Variants in LONP2 observed in about 807,000 individuals in gnomAD.
LONP2 encodes lon peptidase 2, peroxisomal.
Under a neutral mutation model 85.6 loss-of-function variants are expected in LONP2, and 60 were observed. The observed-to-expected ratio is 0.70, with a 90% CI of 0.57 to 0.87. The LOEUF is 0.87. Ranked by LOEUF, LONP2 falls within the 40% of genes least tolerant of loss-of-function variation. LONP2 has a pLI of 0.00. For missense variants in LONP2, 860 were observed against 1,063.5 expected (o/e 0.81, Z 2.66); for synonymous variants, 395 against 389.7 (o/e 1.01, Z -0.16).
At position 48,288,398 on chromosome 16, in the gene LONP2, C is replaced by T. The variant is rs533245696; in HGVS notation, c.1384-7617C>T. On this transcript the variant is annotated intron_variant, in intron 8 of 14. Coordinates refer to ENST00000285737, the MANE Select transcript of LONP2 (RefSeq NM_031490.5). ...TCGAACTCCTGACCTCGTGATCCAT[C>T]CGCCTCGGCCTCCCAAAGTGCTGGT... 2.0e-5 allele frequency among the ~76,000 whole-genome samples: 3 copies of T among 152,244 alleles called. No individual in the cohort carries two copies. In the East Asian group the frequency reaches 5.8e-4, roughly 29 times the overall value.
At chr16:48,331,058 A>G (rs1332510600) in intron 11 of LONP2, among the ~76,000 whole-genome samples, 1 of 152,218 alleles carries the variant, frequency 6.6e-6, no homozygotes, top group Non-Finnish European at 1.5e-5. Context: ...ATTAGATCTC[A>G]GAAAAGCTTG....
At chr16:48,244,738 G>A in intron 1 of LONP2, 117 bp downstream of exon 1, 1 of 658,094 alleles carries the variant, frequency 1.5e-6, no homozygotes, top group Non-Finnish European at 2.3e-6. Flanking sequence ...TTCGCGGCTC[G>A]GTTCCGCCTC....
rs1971209525 is a variant in LONP2, at chr16:48,244,363, AG to A, written c.-25del. 6.7e-7 allele frequency: 1 copy of A among 1,492,372 alleles called. No homozygotes were observed. The allele number at this position is 1,492,372 out of a possible 1,614,324, so 92.4% of individuals were successfully genotyped here. The stretch of plus-strand genomic sequence containing the variant: ...AGCTGTCTGTCTGGCTCTTTTTGAC[AG>A]CCCCCAGTGCGAAAGGCTGCCAGCA... On this transcript the variant is annotated 5_prime_UTR_variant, in exon 1 of 15. Coordinates refer to ENST00000285737, the MANE Select transcript of LONP2 (RefSeq NM_031490.5).
chr16:48,335,927 T>TGA (rs1271508088), intron 12 of LONP2, among the ~76,000 whole-genome samples: 1 of 152,228 alleles, frequency 6.6e-6, no homozygotes, highest in Non-Finnish European at 1.5e-5. Context: ...TGAAAGAACT[T>TGA]GAGCAAAACA....
intron 12 of LONP2, chr16:48,343,835 GATTT>G (rs1191015783): frequency 2.0e-5 from 3 of 152,152 alleles, no homozygotes; most frequent in Admixed American, 6.5e-5. Context: ...CATGGAACAA[GATTT>G]ATTAGACACA....
At chr16:48,314,849 G>A (rs1044289195) in intron 11 of LONP2, among the ~76,000 whole-genome samples, 2 of 152,096 alleles carry the variant, frequency 1.3e-5, no homozygotes, top group Admixed American at 6.5e-5. Context: ...TTGGCCTCCT[G>A]TTCAACAAAC....
At position 48,354,640 on chromosome 16, in the gene LONP2, A is replaced by AT. The variant is rs1960270019; in HGVS notation, c.*2839dup. ...CTGAATTTCCCTTCATATGAGTGGG[A>AT]TCAAACAAGAGTTGTCCTTTTGTGT... On this transcript the variant is annotated 3_prime_UTR_variant, in exon 15 of 15. Coordinates refer to ENST00000285737, the MANE Select transcript of LONP2 (RefSeq NM_031490.5). 6.6e-6 allele frequency: 1 copy of AT among 152,256 alleles called. No homozygotes were observed. Among genetic ancestry groups the AT allele is most frequent in the African/African-American group, 2.4e-5 (1 of 41,446 alleles). 9.4% of individuals were successfully genotyped at this position (152,256 alleles called of 1,614,324 possible). A position where few individuals can be genotyped will look rare whatever the true frequency, so the allele number is the denominator to read the frequency against.
At chr16:48,249,854 A>G (rs1971585450) in intron 1 of LONP2, among the ~76,000 whole-genome samples, 1 of 152,154 alleles carries the variant, frequency 6.6e-6, no homozygotes, top group Non-Finnish European at 1.5e-5. Context: ...TTCAGTTTGG[A>G]ACATCTTCCT....
Position 48,262,303 on chromosome 16 carries a change from T to C in LONP2, c.888-475T>C, listed in dbSNP as rs141860247. On this transcript the variant is annotated intron_variant, in intron 5 of 14. Transcript: ENST00000285737. ...AAAAAAAAATGTATTGTATTATGCATAGTTAGGCACTTACATCTTATTGTG... is the reference window on the plus strand; with the variant it reads ...AAAAAAAAATGTATTGTATTATGCACAGTTAGGCACTTACATCTTATTGTG... Among the ~76,000 whole-genome samples, 437 of 152,322 alleles carry C rather than the reference T, an allele frequency of 2.9e-3. 3 individuals are homozygous for C. Among genetic ancestry groups the C allele is most frequent in the African/African-American group, 9.8e-3 (408 of 41,580 alleles).
intron 12 of LONP2, among the ~76,000 whole-genome samples, chr16:48,340,481 A>G (rs1294296404): frequency 6.6e-6 from 1 of 152,204 alleles, no homozygotes; most frequent in Admixed American, 6.5e-5. Context: ...ACCACTTACT[A>G]TTTTTTTACT....
At chr16:48,351,476 G>GT (rs1960144375) in intron 14 of LONP2, 105 bp from the exon 15 acceptor site, 1 of 843,318 alleles carries the variant, frequency 1.2e-6, no homozygotes. Flanking sequence ...TGATTTGGAT[G>GT]TTTTAAAATA....
At chr16:48,360,757 A>G (rs1960551571), downstream of LONP2, 1 of 152,624 alleles carries the variant, frequency 6.6e-6, no homozygotes, top group South Asian at 2.1e-4. Flanking sequence ...ATTTATAAAA[A>G]TCAATTTATT....
At chr16:48,358,104 G>A (rs1441472533), downstream of LONP2, among the ~76,000 whole-genome samples, 1 of 152,128 alleles carries the variant, frequency 6.6e-6, no homozygotes, top group African/African-American at 2.4e-5. Context: ...CAAGAAATAT[G>A]GCTATAGATC....
intron 12 of LONP2, 112 bp downstream of exon 12, chr16:48,334,470 C>G: frequency 7.7e-7 from 1 of 1,293,810 alleles, no homozygotes; most frequent in East Asian, 2.3e-5. Flanking sequence ...AAGGAATAGC[C>G]TTATTCGACC....
chr16:48,354,194 C>T lies in LONP2; in HGVS notation c.*2392C>T, dbSNP rs187430341. The T allele has an allele frequency of 0.032, 3,673 of 113,136 alleles. 87 individuals are homozygous for T. The highest frequency in any genetic ancestry group is 0.052 in the Non-Finnish European group (2,936 of 56,160). The allele number at this position is 113,136 out of a possible 1,614,324, so 7.0% of individuals were successfully genotyped here. ...TGGATCTAAGCATGTCCACTCTACA[C>T]GCTTTTTTTTTTTTTTTTTTTTTTT... On this transcript the variant is annotated 3_prime_UTR_variant, in exon 15 of 15. Transcript: ENST00000285737.
chr16:48,323,324 G>A (rs975562135), intron 11 of LONP2, among the ~76,000 whole-genome samples: 3 of 152,098 alleles, frequency 2.0e-5, no homozygotes, highest in Non-Finnish European at 4.4e-5. Flanking sequence ...ATACCCTTTT[G>A]TTTGTTTGTT....
In LONP2 at chr16:48,252,349, A is replaced by G. The variant is rs1380259839; in HGVS notation, c.452A>G (p.Tyr151Cys). The change falls in exon 2 of 15, where the codon TAC becomes TGC. Residue 151 changes from tyrosine to cysteine, a missense_variant. By Grantham distance (194) the Tyr-to-Cys change is radical. Around this residue, in one of 3 missense-constraint regions of LONP2, gnomAD observed 743 missense variants for 917.3 expected, o/e 0.81. Coordinates refer to ENST00000285737, the MANE Select transcript of LONP2 (RefSeq NM_031490.5). Reference protein sequence around the residue: ...EELGELSEQFYKYAVQLVEML... With the variant: ...EELGELSEQFCKYAVQLVEML... ...CTAGGAGAACTATCAGAGCAGTTTT[A>G]CAAATATGCAGTACAAGTAAGTTGC... The G allele has an allele frequency of 6.2e-7, 1 of 1,603,802 alleles. No homozygotes were observed. Among genetic ancestry groups the G allele is most frequent in the South Asian group, 1.1e-5 (1 of 89,292 alleles).
chr16:48,361,766 A>T, downstream of LONP2: 1 of 1,614,198 alleles, frequency 6.2e-7, no homozygotes, highest in South Asian at 1.1e-5. Context: ...GTCGGTAAGC[A>T]AAATTTTCAG....
At position 48,261,579 on chromosome 16, in the gene LONP2, G is replaced by T; in HGVS notation, c.879G>T (p.Glu293Asp). The T allele has an allele frequency of 6.4e-7, 1 of 1,565,006 alleles. No homozygotes were observed. The highest frequency in any genetic ancestry group is 1.2e-5 in the South Asian group (1 of 83,448). ...PEQAHKVCVK[E>D]IKRLKKMPQS... ...AGGCCCATAAAGTCTGTGTCAAAGAGATAAAGAGGTAAATTATAAAAGGCA... is the reference window on the plus strand; with the variant it reads ...AGGCCCATAAAGTCTGTGTCAAAGATATAAAGAGGTAAATTATAAAAGGCA... The change falls in exon 5 of 15, where the codon GAG becomes GAT. Residue 293 changes from glutamate to aspartate, a missense_variant. Transcript: ENST00000285737.
Sources: allele counts gnomAD v4.1 joint callset (sites outside exome capture counted in the v4.1 genomes callset), GRCh38; gene constraint gnomAD v4.1.1; regional missense constraint gnomAD v4.1.1; transcripts MANE v1.5; gene names NCBI Gene and HGNC (gene_info 2026-07-23, HGNC 2026-07-21).